The following PHF2 variants were observed in gnomAD, a reference collection of about 807,000 sequenced individuals.
The protein encoded by PHF2 is PHD finger protein 2, also known as lysine-specific demethylase PHF2.
PHF2 carries 27 observed loss-of-function variants against 120.5 expected under a neutral mutation model. The ratio of observed to expected loss-of-function variants is 0.22; its 90% CI spans 0.17 to 0.31. PHF2 has a LOEUF of 0.31. PHF2 is among the 10% of genes least tolerant of loss of function. PHF2 has a pLI of 1.00. For missense variants in PHF2, 1,024 were observed against 1,434.8 expected, an observed-to-expected ratio of 0.71 and a Z score of 4.63; for synonymous variants, 568 against 592.5, an observed-to-expected ratio of 0.96 and a Z score of 0.60.
At chr9:93,625,128 T>G (rs182090406) in intron 1 of PHF2, among the ~76,000 whole-genome samples, 1 of 152,330 alleles carries the variant, frequency 6.6e-6, no homozygotes, top group East Asian at 1.9e-4. Flanking sequence ...AACTCCTCAT[T>G]CCTCTCTCCT....
rs376472842 is a variant in PHF2 at position 93,667,286 on chromosome 9, G to T, written c.2348+46G>T. ...GCACCCAAGAGCGGGGACCAGGCAGGCCCAGGGCTGGCCCTCGGCCATGAT... is the reference window on the plus strand; with the variant it reads ...GCACCCAAGAGCGGGGACCAGGCAGTCCCAGGGCTGGCCCTCGGCCATGAT... On this transcript the variant is annotated intron_variant, in intron 17 of 21. Coordinates refer to ENST00000359246, the MANE Select transcript of PHF2 (RefSeq NM_005392.4). The T allele has an allele frequency of 2.3e-3, 3,589 of 1,580,476 alleles. 13 individuals carry two copies. Among genetic ancestry groups the T allele is most frequent in the Middle Eastern group, 3.9e-3 (22 of 5,662 alleles).
At position 93,645,725 on chromosome 9, in the gene PHF2, A is replaced by C. The variant is rs1241744853; in HGVS notation, c.396A>C (p.Lys132Asn). ...CCGAGCCCATCCTCGTCCCTAAGAA[A>C]GACGGGCTGGGTCTGGCTGTCCCGG... ...GFTEPILVPK[K>N]DGLGLAVPAP... Residue 132 changes from lysine to asparagine, a missense_variant, in exon 4 of 22, where the codon AAA becomes AAC. By Grantham distance (94) the Lys-to-Asn change is moderately conservative (BLOSUM62 0). Coordinates refer to ENST00000359246, the MANE Select transcript of PHF2 (RefSeq NM_005392.4). 1 of 1,612,222 alleles carries C rather than the reference A, an allele frequency of 6.2e-7. No homozygotes were observed. The highest frequency in any genetic ancestry group is 1.1e-5 in the South Asian group (1 of 90,964).
intron 10 of PHF2, among the ~76,000 whole-genome samples, chr9:93,658,840 CGCCCCCACAGAA>C (rs1476183717): frequency 2.6e-5 from 4 of 152,182 alleles, no homozygotes; most frequent in Admixed American, 2.6e-4. Flanking sequence ...ATCCTGTGCG[CGCCCCCACAGAA>C]GCCACTTACT....
At position 93,677,177 on chromosome 9, in the gene PHF2, G is replaced by T. The variant is rs1826933594; in HGVS notation, c.3202+214G>T. Among the ~76,000 whole-genome samples, 1 of 149,856 alleles carries T rather than the reference G, an allele frequency of 6.7e-6. No homozygotes were observed. The highest frequency in any genetic ancestry group is 2.5e-5 in the African/African-American group (1 of 40,728). On this transcript the variant is annotated intron_variant, in intron 21 of 21. Transcript: ENST00000359246. The surrounding 1 kb of genome is among the most constrained non-coding windows in gnomAD (Gnocchi z 4.4). ...TGTGCTTTCATCCTTCTGCTCAGTG[G>T]GCGTGCTCAGCCCCTGATCTGCCTG...
At chr9:93,672,085 TGTG>T (rs889758752) in intron 17 of PHF2, among the ~76,000 whole-genome samples, 5 of 127,160 alleles carry the variant, frequency 3.9e-5, no homozygotes, top group Non-Finnish European at 8.2e-5. Context: ...TAGATGCAGG[TGTG>T]GGTGTGGATG....
rs79020256 is a variant in PHF2 at position 93,674,897 on chromosome 9, G to A, written c.2627-30G>A. 3,963 of 1,558,892 alleles carry A rather than the reference G, an allele frequency of 2.5e-3. 82 individuals are homozygous for A. In the African/African-American group the frequency reaches 0.045, roughly 18 times the overall value. On this transcript the variant is annotated intron_variant, in intron 18 of 21. Coordinates refer to ENST00000359246, the MANE Select transcript of PHF2 (RefSeq NM_005392.4). ...TCCGTGGACCTGCCCTGCACTCAGCGGGCCACGCCTTCCCTCTGCCTCCCT... is the reference window on the plus strand; with the variant it reads ...TCCGTGGACCTGCCCTGCACTCAGCAGGCCACGCCTTCCCTCTGCCTCCCT...
intron 10 of PHF2, 78 bp from the exon 11 acceptor site, chr9:93,659,433 A>G: frequency 8.3e-7 from 1 of 1,203,002 alleles, no homozygotes; most frequent in Non-Finnish European, 1.2e-6. Flanking sequence ...CAGTCAGGCG[A>G]CAGCCTGCAA....
In PHF2 at chr9:93,636,811, A is replaced by C. The variant is rs146684895; in HGVS notation, c.299+286A>C. On this transcript the variant is annotated intron_variant, in intron 3 of 21. Transcript: ENST00000359246. Reference sequence around the variant, plus strand: ...TGGAAGGGACCTCTCTCCCAACCTGAGTATGCCCAGCACATGCCAGGTACT... The same window carrying C: ...TGGAAGGGACCTCTCTCCCAACCTGCGTATGCCCAGCACATGCCAGGTACT... Among the ~76,000 whole-genome samples, 289 of 152,290 alleles carry C rather than the reference A, an allele frequency of 1.9e-3. 8 individuals carry two copies. The East Asian group carries it at 0.043, about 22-fold the overall frequency.
At chr9:93,602,247 CTTT>C (rs67001312) in intron 1 of PHF2, among the ~76,000 whole-genome samples, 153 of 79,656 alleles carry the variant, frequency 1.9e-3, no homozygotes, top group African/African-American at 8.1e-3. Flanking sequence ...CCTAGAGATT[CTTT>C]TTTTTTTTTT....
chr9:93,655,839 C>A, intron 7 of PHF2, 95 bp from the exon 8 acceptor site: 1 of 861,492 alleles, frequency 1.2e-6, no homozygotes, highest in Non-Finnish European at 1.9e-6. Flanking sequence ...CCGGGAAAGG[C>A]CTGTGCTGGT....
chr9:93,626,892 T>C, intron 1 of PHF2, among the ~76,000 whole-genome samples: 1 of 152,352 alleles, frequency 6.6e-6, no homozygotes, highest in East Asian at 1.9e-4. Flanking sequence ...TGGCTGTTGA[T>C]GTATGGGTTT....
At chr9:93,636,917 C>T (rs904837904) in intron 3 of PHF2, among the ~76,000 whole-genome samples, 1 of 152,228 alleles carries the variant, frequency 6.6e-6, no homozygotes, top group Non-Finnish European at 1.5e-5. Context: ...CCTCATGTCT[C>T]CTTCTCAGAG....
chr9:93,584,780 C>T (rs142772494), intron 1 of PHF2, among the ~76,000 whole-genome samples: 91 of 152,264 alleles, frequency 6.0e-4, no homozygotes, highest in African/African-American at 2.1e-3. Context: ...GCAAAAAAAC[C>T]GCTGTTGGAA....
intron 1 of PHF2, among the ~76,000 whole-genome samples, chr9:93,587,364 G>T (rs1863067509): frequency 6.7e-6 from 1 of 149,254 alleles, no homozygotes; most frequent in Non-Finnish European, 1.5e-5. Context: ...GAAGAGCCCT[G>T]GGTGAGGGAC....
At chr9:93,577,673 T>G (rs1469098744) in intron 1 of PHF2, among the ~76,000 whole-genome samples, 1 of 152,252 alleles carries the variant, frequency 6.6e-6, no homozygotes, top group East Asian at 2.0e-4. Context: ...AACGCCGGTT[T>G]TGACATGATC....
intron 1 of PHF2, among the ~76,000 whole-genome samples, chr9:93,602,531 G>A (rs966018639): frequency 6.6e-6 from 1 of 152,090 alleles, no homozygotes; most frequent in African/African-American, 2.4e-5. Context: ...GGGATTACAG[G>A]TGTGAGCCAC....
intron 19 of PHF2, among the ~76,000 whole-genome samples, 199 bp from the exon 20 acceptor site, chr9:93,675,481 C>T (rs1587724846): frequency 1.3e-5 from 2 of 152,250 alleles, no homozygotes; most frequent in South Asian, 4.1e-4. Flanking sequence ...CCCATGCAAA[C>T]CCCACTGTGG....
In PHF2 at chr9:93,615,321, A is replaced by ATGATGG. The variant is rs1372692525; in HGVS notation, c.99-14637_99-14632dup. On this transcript the variant is annotated intron_variant, in intron 1 of 21. Transcript: ENST00000359246. ...GTGATGATGTGTGATAGTGATAGTG[A>ATGATGG]TGATGGTGATGGTGATGATAGCAAT... Among the ~76,000 whole-genome samples the ATGATGG allele has an allele frequency of 2.8e-4, 42 of 150,840 alleles. 1 individual carries two copies. The highest frequency in any genetic ancestry group is 5.5e-4 in the Non-Finnish European group (37 of 67,712).
At position 93,654,415 on chromosome 9, in the gene PHF2, G is replaced by A; in HGVS notation, c.792G>A (p.Gly264=). 1.2e-6 allele frequency: 2 copies of A among 1,611,940 alleles called. No individual in the cohort carries two copies. Among genetic ancestry groups the A allele is most frequent in the East Asian group, 2.2e-5 (1 of 44,780 alleles). ...CTGCCAACAGGCTCTCTTGGCAGGG[G>A]GAGAAGACCTTCTATCTCATCAGGC... The part of the protein sequence containing the change: ...GASAWYHVLK[G]EKTFYLIRPA... The change falls in exon 7 of 22, where the codon GGG becomes GGA. Residue 264 remains glycine, a splice_region_variant and synonymous_variant. Coordinates refer to ENST00000359246, the MANE Select transcript of PHF2 (RefSeq NM_005392.4).
Sources: allele counts gnomAD v4.1 joint callset (sites outside exome capture counted in the v4.1 genomes callset), GRCh38; gene constraint gnomAD v4.1.1; non-coding constraint Gnocchi (gnomAD v3.1); transcripts MANE v1.5; gene names NCBI Gene and HGNC (gene_info 2026-07-23, HGNC 2026-07-21).